COLGALT2: variants seen among roughly 807,000 people sequenced by gnomAD.
COLGALT2 encodes collagen beta(1-O)galactosyltransferase 2, also known as procollagen galactosyltransferase 2.
A neutral mutation model predicts 73.4 loss-of-function variants in COLGALT2; 49 were observed. The observed-to-expected ratio is 0.67, with a 90% CI of 0.53 to 0.85. The LOEUF is 0.85. Among genes scored for constraint, COLGALT2 ranks in the 40% least tolerant of loss-of-function variants. COLGALT2 has a pLI of 0.00. For synonymous variants in COLGALT2, 295 were observed against 307.6 expected (o/e 0.96, Z 0.43); for missense variants, 722 against 790.2 (o/e 0.91, Z 1.03).
chr1:184,007,651 G>A (rs1222371845), intron 1 of COLGALT2, among the ~76,000 whole-genome samples: 1 of 152,104 alleles, frequency 6.6e-6, no homozygotes, highest in Non-Finnish European at 1.5e-5. Flanking sequence ...GTTAGAATAG[G>A]GCACATTTCC....
Position 183,955,029 on chromosome 1 carries a change from A to G in COLGALT2, c.953-191T>C, listed in dbSNP as rs181294972. 7.5e-4 allele frequency among the ~76,000 whole-genome samples: 114 copies of G among 152,316 alleles called. 1 individual carries two copies. The highest frequency in any genetic ancestry group is 3.9e-3 in the Admixed American group (59 of 15,298). On this transcript the variant is annotated intron_variant, in intron 6 of 11. Coordinates refer to ENST00000361927, the MANE Select transcript of COLGALT2 (RefSeq NM_015101.4). ...TGGTCAGGGCACTGGTTTCAGGAGC[A>G]TTTGATTATATGGAGATTGCAACAT...
intron 8 of COLGALT2, chr1:183,945,888 G>A: frequency 3.8e-6 from 1 of 264,934 alleles, no homozygotes; most frequent in Non-Finnish European, 7.2e-6. Context: ...AGGAGTGTTT[G>A]ATCAAGACCT....
chr1:184,009,764 T>C (rs142183486), intron 1 of COLGALT2, among the ~76,000 whole-genome samples: 554 of 152,332 alleles, frequency 3.6e-3, no homozygotes, highest in Non-Finnish European at 5.9e-3. Flanking sequence ...TATTTTTGTT[T>C]AAATTTAAAA....
intron 1 of COLGALT2, among the ~76,000 whole-genome samples, chr1:184,005,886 A>G (rs1672060510): frequency 6.6e-6 from 1 of 152,200 alleles, no homozygotes; most frequent in African/African-American, 2.4e-5. Flanking sequence ...GAAAGTCAAC[A>G]GGACCCGGTG....
intron 3 of COLGALT2, among the ~76,000 whole-genome samples, chr1:183,974,322 A>G (rs1008162356): frequency 1.3e-5 from 2 of 152,252 alleles, no homozygotes; most frequent in East Asian, 3.8e-4. Flanking sequence ...ATTCTAATTT[A>G]TAAAAGAAAT....
intron 1 of COLGALT2, among the ~76,000 whole-genome samples, chr1:183,986,875 C>G (rs554580201): frequency 1.3e-5 from 2 of 152,232 alleles, no homozygotes; most frequent in African/African-American, 4.8e-5. Flanking sequence ...TTTAGGCCTT[C>G]TAATCCATCC....
At chr1:183,992,670 AGAGTT>A (rs1356748355) in intron 1 of COLGALT2, among the ~76,000 whole-genome samples, 4 of 152,068 alleles carry the variant, frequency 2.6e-5, no homozygotes, top group African/African-American at 7.3e-5. Context: ...TGCTGTGAAT[AGAGTT>A]ATCAGTTGAA....
chr1:183,959,612 C>T (rs951749687), intron 6 of COLGALT2, among the ~76,000 whole-genome samples: 3 of 151,948 alleles, frequency 2.0e-5, no homozygotes, highest in African/African-American at 7.3e-5. Flanking sequence ...ATCCCAATCA[C>T]CATCATGTCC....
intron 7 of COLGALT2, among the ~76,000 whole-genome samples, chr1:183,954,314 AC>A (rs1322077480): frequency 1.3e-5 from 2 of 152,126 alleles, no homozygotes; most frequent in East Asian, 1.9e-4. Context: ...CTGCTCTCTA[AC>A]CTTTTTCCAT....
At chr1:183,954,018 G>A (rs1472449935) in intron 7 of COLGALT2, among the ~76,000 whole-genome samples, 1 of 152,182 alleles carries the variant, frequency 6.6e-6, no homozygotes, top group East Asian at 1.9e-4. Context: ...GTGGACTCCT[G>A]AGGCACTGCC....
chr1:183,976,484 A>G (rs1284550524), intron 2 of COLGALT2, among the ~76,000 whole-genome samples: 2 of 151,792 alleles, frequency 1.3e-5, no homozygotes, highest in Non-Finnish European at 2.9e-5. Context: ...TTGGCTTTCA[A>G]TAAATGACTT....
chr1:183,992,414 T>A (rs1671653039), intron 1 of COLGALT2, among the ~76,000 whole-genome samples: 1 of 152,210 alleles, frequency 6.6e-6, no homozygotes, highest in African/African-American at 2.4e-5. Flanking sequence ...ATCAGTAGGC[T>A]TCACGTTATC....
chr1:183,991,455 G>T (rs1409388137), intron 1 of COLGALT2, among the ~76,000 whole-genome samples: 2 of 152,092 alleles, frequency 1.3e-5, no homozygotes, highest in Non-Finnish European at 2.9e-5. Context: ...TTTACAAACT[G>T]AATTCAAAGC....
At chr1:184,019,097 C>T (rs141366913) in intron 1 of COLGALT2, among the ~76,000 whole-genome samples, 4 of 152,220 alleles carry the variant, frequency 2.6e-5, no homozygotes, top group East Asian at 1.9e-4. Flanking sequence ...CTTTCTATTC[C>T]GATTTTTGGC....
intron 6 of COLGALT2, among the ~76,000 whole-genome samples, chr1:183,955,316 A>T (rs1313518825): frequency 6.6e-6 from 1 of 152,242 alleles, no homozygotes; most frequent in Admixed American, 6.5e-5. Flanking sequence ...AACAACTCTT[A>T]GCTATTACTT....
At chr1:183,971,434 T>C (rs560736527) in intron 4 of COLGALT2, among the ~76,000 whole-genome samples, 2 of 152,266 alleles carry the variant, frequency 1.3e-5, no homozygotes, top group African/African-American at 4.8e-5. Flanking sequence ...AATAAGGAGA[T>C]AATACAAATT....
intron 4 of COLGALT2, among the ~76,000 whole-genome samples, chr1:183,972,120 C>T (rs1671053999): frequency 6.6e-6 from 1 of 152,152 alleles, no homozygotes; most frequent in Non-Finnish European, 1.5e-5. Flanking sequence ...CATACTCCCT[C>T]TTTTTTTGAG....
At chr1:183,948,882 AG>A (rs1670317631) in intron 8 of COLGALT2, among the ~76,000 whole-genome samples, 1 of 152,210 alleles carries the variant, frequency 6.6e-6, no homozygotes, top group Admixed American at 6.5e-5. Flanking sequence ...GGGTTCAGCA[AG>A]GTTGCAGGAT....
rs1671770880 is a variant in COLGALT2, at chr1:183,996,355, C to A, written c.264-17835G>T. On this transcript the variant is annotated intron_variant, in intron 1 of 11. Coordinates refer to ENST00000361927, the MANE Select transcript of COLGALT2 (RefSeq NM_015101.4). ...AATCCTTAGAAGCTGGAATTCCCATCTAAAGACAAGGCGATTTAAAGGTGT... is the reference window on the plus strand; with the variant it reads ...AATCCTTAGAAGCTGGAATTCCCATATAAAGACAAGGCGATTTAAAGGTGT... 2.6e-5 allele frequency among the ~76,000 whole-genome samples: 4 copies of A among 152,182 alleles called. No individual in the cohort carries two copies. The South Asian group carries it at 8.3e-4, about 32-fold the overall frequency.
Sources: gnomAD v4.1 joint callset for allele counts (sites outside exome capture counted in the v4.1 genomes callset) on GRCh38, gnomAD v4.1.1 for gene constraint, MANE v1.5 for transcripts, NCBI Gene and HGNC (gene_info 2026-07-23, HGNC 2026-07-21) for gene names.